The following SAMD4A variants were observed in gnomAD, a reference collection of about 807,000 sequenced individuals.
SAMD4A encodes protein Smaug homolog 1.
Under a neutral mutation model 81.3 loss-of-function variants are expected in SAMD4A, and 33 were observed. The observed-to-expected ratio is 0.41, with a 90% CI of 0.31 to 0.54. SAMD4A has a LOEUF of 0.54. Among genes scored for constraint, SAMD4A ranks in the 20% least tolerant of loss-of-function variants. The pLI is 0.37. For synonymous variants in SAMD4A, 389 were observed against 382.1 expected, an observed-to-expected ratio of 1.02 and a Z score of -0.21; for missense variants, 854 against 951.1, an observed-to-expected ratio of 0.90 and a Z score of 1.34.
intron 3 of SAMD4A, among the ~76,000 whole-genome samples, chr14:54,724,542 C>T (rs964648420): frequency 2.0e-5 from 3 of 152,178 alleles, no homozygotes; most frequent in Non-Finnish European, 4.4e-5. Context: ...CACTCTCCTG[C>T]GGCCTCTTTG....
At chr14:54,572,032 G>A (rs1394104278) in intron 2 of SAMD4A, among the ~76,000 whole-genome samples, 1 of 152,180 alleles carries the variant, frequency 6.6e-6, no homozygotes, top group Non-Finnish European at 1.5e-5. Flanking sequence ...GATCTTGTTT[G>A]TAGTTTTTTC....
chr14:54,577,714 G>A (rs372166955), intron 2 of SAMD4A, among the ~76,000 whole-genome samples: 7 of 152,194 alleles, frequency 4.6e-5, no homozygotes, highest in Non-Finnish European at 8.8e-5. Context: ...TGGAGTCCAG[G>A]AGGCAGTTCT....
chr14:54,627,819 C>G (rs146260733), intron 2 of SAMD4A, among the ~76,000 whole-genome samples: 1 of 152,166 alleles, frequency 6.6e-6, no homozygotes, highest in East Asian at 1.9e-4. Flanking sequence ...GACAATTGCT[C>G]GTTTCATGCA....
chr14:54,626,049 TGTGTGTGTGTGCGCGC>T (rs1209178459), intron 2 of SAMD4A, among the ~76,000 whole-genome samples: 77 of 128,260 alleles, frequency 6.0e-4, no homozygotes, highest in African/African-American at 1.5e-3. Flanking sequence ...TGTGTGTGTG[TGTGTGTGTGTGCGCGC>T]GCGCGCGCGC....
At chr14:54,717,750 C>A (rs2037155071) in intron 3 of SAMD4A, among the ~76,000 whole-genome samples, 1 of 152,078 alleles carries the variant, frequency 6.6e-6, no homozygotes, top group South Asian at 2.1e-4. Context: ...GCTAGGCAGT[C>A]CCTGAAAGTG....
chr14:54,638,580 T>C (rs536561043), intron 2 of SAMD4A, among the ~76,000 whole-genome samples: 1 of 152,356 alleles, frequency 6.6e-6, no homozygotes, highest in Non-Finnish European at 1.5e-5. Flanking sequence ...TCTTCCTCTA[T>C]AAGTCCTCGG....
chr14:54,684,998 C>A (rs1221954212), intron 2 of SAMD4A, among the ~76,000 whole-genome samples: 4 of 152,188 alleles, frequency 2.6e-5, no homozygotes, highest in African/African-American at 7.2e-5. Flanking sequence ...GGAAATCATA[C>A]CACCTAAAGA....
At chr14:54,614,103 G>T (rs2034433211) in intron 2 of SAMD4A, among the ~76,000 whole-genome samples, 1 of 152,166 alleles carries the variant, frequency 6.6e-6, no homozygotes, top group South Asian at 2.1e-4. Context: ...TATCCTAACA[G>T]ATTGAATGCA....
Position 54,745,867 on chromosome 14 carries a change from C to G in SAMD4A, c.980-2948C>G, listed in dbSNP as rs150816360. Among the ~76,000 whole-genome samples, 133 of 152,344 alleles carry G rather than the reference C, an allele frequency of 8.7e-4. No homozygotes were observed. In the Middle Eastern group the frequency reaches 0.024, roughly 27 times the overall value. The stretch of plus-strand genomic sequence containing the variant: ...GCTTCTGCAGGAAACAGTTCTGCTT[C>G]TCCCTGTTTGCCTGCATTTTCCAAC... On this transcript the variant is annotated intron_variant, in intron 4 of 12. Coordinates refer to ENST00000554335, the MANE Select transcript of SAMD4A (RefSeq NM_015589.6).
Position 54,669,212 on chromosome 14 carries a change from A to G in SAMD4A, c.197-32850A>G, listed in dbSNP as rs200804388. On this transcript the variant is annotated intron_variant, in intron 2 of 12. Coordinates refer to ENST00000554335, the MANE Select transcript of SAMD4A (RefSeq NM_015589.6). ...TTACATCCTACTCATTAGAGGAGAC[A>G]CAGCTAAGGTACTGTTCAGTGGTTC... Among the ~76,000 whole-genome samples, 20 of 152,230 alleles carry G rather than the reference A, an allele frequency of 1.3e-4. No homozygotes were observed. In the East Asian group the frequency reaches 3.9e-3, roughly 29 times the overall value.
intron 2 of SAMD4A, among the ~76,000 whole-genome samples, chr14:54,679,918 T>C (rs565421897): frequency 2.0e-5 from 3 of 152,226 alleles, no homozygotes; most frequent in Non-Finnish European, 2.9e-5. Flanking sequence ...GAGGATTCTG[T>C]CTGGGCCTAA....
intron 3 of SAMD4A, among the ~76,000 whole-genome samples, chr14:54,719,577 T>C (rs1190394400): frequency 6.6e-6 from 1 of 152,274 alleles, no homozygotes; most frequent in African/African-American, 2.4e-5. Flanking sequence ...ATGGCACAGA[T>C]CTGGCAGGGT....
chr14:54,676,840 A>C (rs1053617038), intron 2 of SAMD4A, among the ~76,000 whole-genome samples: 7 of 152,240 alleles, frequency 4.6e-5, no homozygotes, highest in African/African-American at 1.7e-4. Flanking sequence ...GTAGGGTTAA[A>C]GAGATTTGGA....
chr14:54,651,574 AT>A (rs1479567538), intron 2 of SAMD4A, among the ~76,000 whole-genome samples: 2 of 152,246 alleles, frequency 1.3e-5, no homozygotes, highest in African/African-American at 4.8e-5. Context: ...GAGTTAATTC[AT>A]TTCAAGAACT....
chr14:54,770,669 C>T (rs1274845249), intron 9 of SAMD4A, among the ~76,000 whole-genome samples: 2 of 152,200 alleles, frequency 1.3e-5, no homozygotes. Flanking sequence ...GGGTGAAGAG[C>T]CCAGTGCTAG....
rs1308067975 is a variant in SAMD4A at position 54,791,315 on chromosome 14, G to A, written c.*2371G>A. 1.3e-5 allele frequency: 2 copies of A among 152,124 alleles called. No individual in the cohort carries two copies. The highest frequency in any genetic ancestry group is 2.9e-5 in the Non-Finnish European group (2 of 68,010). The allele number at this position is 152,124 out of a possible 1,614,324, so 9.4% of individuals were successfully genotyped here. On this transcript the variant is annotated 3_prime_UTR_variant, in exon 13 of 13. Coordinates refer to ENST00000554335, the MANE Select transcript of SAMD4A (RefSeq NM_015589.6). Reference sequence around the variant, plus strand: ...ATCTTGCTGAGAAAGGAAAGCATTCGGATCTGCTGCAAAAACACATATATC... The same window carrying A: ...ATCTTGCTGAGAAAGGAAAGCATTCAGATCTGCTGCAAAAACACATATATC...
chr14:54,665,577 A>G (rs1289015591), intron 2 of SAMD4A, among the ~76,000 whole-genome samples: 2 of 152,254 alleles, frequency 1.3e-5, no homozygotes, highest in Admixed American at 1.3e-4. Context: ...TGGACTTTTA[A>G]GAAGGATAGA....
chr14:54,614,487 C>T (rs567103403), intron 2 of SAMD4A, among the ~76,000 whole-genome samples: 4 of 152,196 alleles, frequency 2.6e-5, no homozygotes, highest in Admixed American at 6.5e-5. Flanking sequence ...TTTAATGACA[C>T]GAATGCATAC....
At chr14:54,599,624 T>C (rs1220050917) in intron 2 of SAMD4A, among the ~76,000 whole-genome samples, 1 of 152,250 alleles carries the variant, frequency 6.6e-6, no homozygotes, top group Non-Finnish European at 1.5e-5. Context: ...GACAGGTCAA[T>C]TGACTTGTCT....
Sources: allele counts gnomAD v4.1 joint callset (sites outside exome capture counted in the v4.1 genomes callset), GRCh38; gene constraint gnomAD v4.1.1; transcripts MANE v1.5; gene names NCBI Gene and HGNC (gene_info 2026-07-23, HGNC 2026-07-21).